SEMA6D: variants seen among roughly 807,000 people sequenced by gnomAD.
The protein encoded by SEMA6D is semaphorin-6D.
In SEMA6D, 35 loss-of-function variants were observed where a neutral mutation model predicts 106.6. The observed-to-expected ratio is 0.33, with a 90% CI of 0.25 to 0.44. SEMA6D has a LOEUF of 0.44. SEMA6D is among the 20% of genes least tolerant of loss of function. The pLI, the probability that SEMA6D is intolerant of heterozygous loss-of-function variation, is 1.00. For synonymous variants in SEMA6D, 499 were observed against 487.7 expected (o/e 1.02, Z -0.31); for missense variants, 1,185 against 1,345.9 (o/e 0.88, Z 1.87).
intron 1 of SEMA6D, among the ~76,000 whole-genome samples, chr15:47,218,653 A>G (rs2030894500): frequency 6.6e-6 from 1 of 152,244 alleles, no homozygotes; most frequent in Admixed American, 6.5e-5. Flanking sequence ...AAATGCTATG[A>G]TAGCCAAAGC....
intron 3 of SEMA6D, among the ~76,000 whole-genome samples, chr15:47,489,030 C>G (rs973135874): frequency 6.6e-6 from 1 of 152,124 alleles, no homozygotes; most frequent in South Asian, 2.1e-4. Flanking sequence ...GGGGGAAAAA[C>G]AAGGTCTTCA....
intron 3 of SEMA6D, among the ~76,000 whole-genome samples, chr15:47,484,417 G>A (rs2043236054): frequency 6.7e-6 from 1 of 149,808 alleles, no homozygotes; most frequent in Non-Finnish European, 1.5e-5. Flanking sequence ...CAGTAGCAAG[G>A]CAAGGCTATT....
intron 1 of SEMA6D, among the ~76,000 whole-genome samples, chr15:47,288,388 T>C (rs574601262): frequency 9.1e-4 from 138 of 152,330 alleles, no homozygotes; most frequent in Non-Finnish European, 1.5e-3. Flanking sequence ...ACTATAGTAG[T>C]TGTTTTGCTT....
In SEMA6D at chr15:47,229,464, C is replaced by T. The variant is rs1267047944; in HGVS notation, c.-239+45046C>T. On this transcript the variant is annotated intron_variant, in intron 1 of 19. Transcript: ENST00000558014. ...TTTGACAAAGGTCAGTAATTGTGCC[C>T]CAAGATGCCTTGTGCTATACAGGTT... Among the ~76,000 whole-genome samples, 10 of 151,840 alleles carry T rather than the reference C, an allele frequency of 6.6e-5. No homozygotes were observed. The South Asian group carries it at 1.2e-3, about 19-fold the overall frequency.
intron 3 of SEMA6D, among the ~76,000 whole-genome samples, chr15:47,543,158 A>G (rs1046734033): frequency 1.3e-5 from 2 of 152,154 alleles, no homozygotes; most frequent in Non-Finnish European, 2.9e-5. Context: ...TTCAACAAAA[A>G]TGGTTTTCGA....
chr15:47,327,227 G>A (rs1390874), intron 1 of SEMA6D, among the ~76,000 whole-genome samples: 151,661 of 152,340 alleles, frequency 1, 75,494 homozygotes, highest in Middle Eastern at 1. Flanking sequence ...CTTGTAAAAT[G>A]CTGATAACCA....
intron 4 of SEMA6D, among the ~76,000 whole-genome samples, chr15:47,656,921 C>A (rs1566964990): frequency 6.6e-6 from 1 of 152,068 alleles, no homozygotes; most frequent in African/African-American, 2.4e-5. Flanking sequence ...TAATGAGTGA[C>A]AAAAGTGACA....
intron 4 of SEMA6D, among the ~76,000 whole-genome samples, chr15:47,619,751 AAAATG>A: frequency 6.6e-6 from 1 of 152,340 alleles, no homozygotes; most frequent in East Asian, 1.9e-4. Flanking sequence ...TTGAGGCACC[AAAATG>A]AAATGAAATT....
intron 1 of SEMA6D, among the ~76,000 whole-genome samples, chr15:47,366,291 G>T (rs2039028002): frequency 6.6e-6 from 1 of 152,172 alleles, no homozygotes; most frequent in African/African-American, 2.4e-5. Flanking sequence ...GACTTCAGGG[G>T]AGCCATTCAT....
chr15:47,443,015 TC>T (rs1281399918), intron 2 of SEMA6D, among the ~76,000 whole-genome samples: 2 of 152,142 alleles, frequency 1.3e-5, no homozygotes, highest in African/African-American at 4.8e-5. Context: ...AGGAGTAGTT[TC>T]AGATTATTAC....
intron 4 of SEMA6D, among the ~76,000 whole-genome samples, chr15:47,690,935 TC>T (rs1268148838): frequency 6.6e-6 from 1 of 152,156 alleles, no homozygotes; most frequent in Non-Finnish European, 1.5e-5. Context: ...GTCGCCTTAG[TC>T]TCCTCTCATC....
At chr15:47,762,351 C>G in intron 8 of SEMA6D, 32 bp downstream of exon 8, 1 of 1,609,348 alleles carries the variant, frequency 6.2e-7, no homozygotes, top group South Asian at 1.1e-5. Flanking sequence ...GTGGGGTCAC[C>G]AGGATAGTGG....
intron 3 of SEMA6D, among the ~76,000 whole-genome samples, chr15:47,497,057 AGTT>A (rs2043689108): frequency 6.6e-6 from 1 of 151,960 alleles, no homozygotes; most frequent in African/African-American, 2.4e-5. Context: ...CTCTCTCAAT[AGTT>A]GTGCTCATGT....
At chr15:47,322,940 T>C (rs1485758428) in intron 1 of SEMA6D, among the ~76,000 whole-genome samples, 1 of 152,224 alleles carries the variant, frequency 6.6e-6, no homozygotes, top group Non-Finnish European at 1.5e-5. Flanking sequence ...ACCGCATAAA[T>C]TTTTTAAACC....
At chr15:47,526,016 C>G (rs2044744688) in intron 3 of SEMA6D, among the ~76,000 whole-genome samples, 1 of 152,220 alleles carries the variant, frequency 6.6e-6, no homozygotes. Context: ...ACCACCTCCT[C>G]TTTGGTAAGT....
chr15:47,504,665 T>G (rs375303485), intron 3 of SEMA6D, among the ~76,000 whole-genome samples: 2 of 152,240 alleles, frequency 1.3e-5, no homozygotes, highest in South Asian at 2.1e-4. Flanking sequence ...ACGGGTGCCT[T>G]AATATGCCCT....
At chr15:47,260,278 C>A (rs2034007933) in intron 1 of SEMA6D, among the ~76,000 whole-genome samples, 2 of 152,004 alleles carry the variant, frequency 1.3e-5, no homozygotes, top group Non-Finnish European at 2.9e-5. Flanking sequence ...GCATCATGGA[C>A]ATTTTGTCTA....
At chr15:47,768,292 A>G (rs1045535135) in intron 17 of SEMA6D, among the ~76,000 whole-genome samples, 1 of 152,188 alleles carries the variant, frequency 6.6e-6, no homozygotes, top group Admixed American at 6.5e-5. Context: ...CCTGGGAATT[A>G]TATTACCTTT....
chr15:47,312,129 TTAGG>T (rs1275874028), intron 1 of SEMA6D, among the ~76,000 whole-genome samples: 9 of 138,828 alleles, frequency 6.5e-5, no homozygotes, highest in Non-Finnish European at 1.4e-4. Flanking sequence ...TCATTTTTGC[TTAGG>T]CGTCTTTCTA....
Sources: gnomAD v4.1 joint callset for allele counts (sites outside exome capture counted in the v4.1 genomes callset) on GRCh38, gnomAD v4.1.1 for gene constraint, MANE v1.5 for transcripts, NCBI Gene and HGNC (gene_info 2026-07-23, HGNC 2026-07-21) for gene names.